The following CYP2A7 variants were observed in gnomAD, a reference collection of about 807,000 sequenced individuals.
CYP2A7 encodes cytochrome P450 2A7.
Under a neutral mutation model 42.0 loss-of-function variants are expected in CYP2A7, and 36 were observed. That is an observed-to-expected ratio of 0.86 (90% CI 0.66 to 1.13). The LOEUF (loss-of-function observed/expected upper bound fraction) is 1.13, where lower values mean the gene tolerates loss of function less well. Ranked by LOEUF, CYP2A7 falls within the 50% of genes most tolerant of loss-of-function variation. The pLI, the probability that CYP2A7 is intolerant of heterozygous loss-of-function variation, is 0.00. For synonymous variants in CYP2A7, 260 were observed against 249.5 expected (o/e 1.04, Z -0.40); for missense variants, 661 against 634.1 (o/e 1.04, Z -0.46).
intron 4 of CYP2A7, 36 bp downstream of exon 4, chr19:40,880,048 G>A (rs1439113429): frequency 6.2e-7 from 1 of 1,607,304 alleles, no homozygotes; most frequent in Admixed American, 1.7e-5. Flanking sequence ...GGCAGGTTGT[G>A]GTAGGGGCGT....
chr19:40,879,082 G>A lies in CYP2A7; in HGVS notation c.655-146C>T. The A allele has an allele frequency of 3.1e-6, 4 of 1,279,332 alleles. No homozygotes were observed. In the South Asian group the frequency reaches 4.7e-5, roughly 15 times the overall value. 79.2% of individuals were successfully genotyped at this position (1,279,332 alleles called of 1,614,324 possible). ...TAGGTATTTCAGTGGGGTCGGATAGGAACTTATATCTAAGTTTTCAGGAAG... is the reference window on the plus strand; with the variant it reads ...TAGGTATTTCAGTGGGGTCGGATAGAAACTTATATCTAAGTTTTCAGGAAG... On this transcript the variant is annotated intron_variant, in intron 4 of 8. Transcript: ENST00000301146.
chr19:40,877,094 G>T, intron 7 of CYP2A7, 96 bp downstream of exon 7: 1 of 1,389,194 alleles, frequency 7.2e-7, no homozygotes, highest in Non-Finnish European at 1.0e-6. Flanking sequence ...TGAGGGAGTG[G>T]GACAGTGAGT....
In CYP2A7 at chr19:40,875,603, C is replaced by G. The variant is rs1014075439; in HGVS notation, c.*90G>C. 2.4e-5 allele frequency: 39 copies of G among 1,594,344 alleles called. No individual in the cohort carries two copies. The Admixed American group carries it at 5.1e-4, about 21-fold the overall frequency. ...CCCTTCCTTTCCCGCATCTTCCCCC[C>G]ATTCTTATACCCGCCTCTTCCGCGA... On this transcript the variant is annotated 3_prime_UTR_variant, in exon 9 of 9. Coordinates refer to ENST00000301146, the MANE Select transcript of CYP2A7 (RefSeq NM_000764.3).
Position 40,875,604 on chromosome 19 carries a change from A to G in CYP2A7, c.*89T>C, listed in dbSNP as rs1399023903. On this transcript the variant is annotated 3_prime_UTR_variant, in exon 9 of 9. Transcript: ENST00000301146. ...CCTTCCTTTCCCGCATCTTCCCCCC[A>G]TTCTTATACCCGCCTCTTCCGCGAA... 5 of 1,586,056 alleles carry G rather than the reference A, an allele frequency of 3.2e-6. No homozygotes were observed. Among genetic ancestry groups the G allele is most frequent in the South Asian group, 1.1e-5 (1 of 88,812 alleles).
At chr19:40,878,068 T>G (rs1967577435) in intron 5 of CYP2A7, 75 bp from the exon 6 acceptor site, 5 of 1,507,324 alleles carry the variant, frequency 3.3e-6, no homozygotes, top group Non-Finnish European at 4.5e-6. Context: ...TTCCTTTGGA[T>G]CTACCTCTCT....
chr19:40,881,258 C>A (rs937229898), intron 2 of CYP2A7, among the ~76,000 whole-genome samples: 1 of 150,964 alleles, frequency 6.6e-6, no homozygotes, highest in South Asian at 2.1e-4. Context: ...AAGCTGAGAG[C>A]AACAAAAAGA....
intron 2 of CYP2A7, among the ~76,000 whole-genome samples, 170 bp from the exon 3 acceptor site, chr19:40,880,798 G>GGAGAGAGAGAGAGA (rs1171374070): frequency 1.1e-4 from 3 of 27,442 alleles, no homozygotes; most frequent in African/African-American, 1.6e-4. Flanking sequence ...GAAACACGAG[G>GGAGAGAGAGAGAGA]GAGAGAGAGA....
At position 40,876,673 on chromosome 19, in the gene CYP2A7, T is replaced by C. The variant is rs758955268; in HGVS notation, c.1162-5A>G. On this transcript the variant is annotated splice_region_variant and splice_polypyrimidine_tract_variant and intron_variant, in intron 7 of 8. Transcript: ENST00000301146. ...CATAGGGAACACTTCGGTGCCCTGG[T>C]AGGGAGGAGGAAGTTGTGTGTGATG... 1.4e-5 allele frequency: 23 copies of C among 1,609,932 alleles called. 1 individual carries two copies. The highest frequency in any genetic ancestry group is 1.8e-5 in the Non-Finnish European group (21 of 1,177,382).
At chr19:40,880,824 AG>A (rs1340567036) in intron 2 of CYP2A7, among the ~76,000 whole-genome samples, 196 bp from the exon 3 acceptor site, 3 of 76,926 alleles carry the variant, frequency 3.9e-5, no homozygotes, top group African/African-American at 1.4e-4. Context: ...AGAGAGAGAG[AG>A]AGAGAGAGAG....
At position 40,877,890 on chromosome 19, in the gene CYP2A7, T is replaced by C. The variant is rs1967572317; in HGVS notation, c.935A>G (p.Tyr312Cys). The C allele has an allele frequency of 6.2e-7, 1 of 1,611,138 alleles. No individual in the cohort carries two copies. Among genetic ancestry groups the C allele is most frequent in the Non-Finnish European group, 8.5e-7 (1 of 1,178,544 alleles). ...GTETVSTTLR[Y>C]GFLLLMKHPE... is the part of the protein sequence containing the mutation. Reference sequence around the variant, plus strand: ...GTGCTTCATGAGCAGCAAGAAGCCATAGCGCAGGGTGGTGCTGACCGTCTC... The same window carrying C: ...GTGCTTCATGAGCAGCAAGAAGCCACAGCGCAGGGTGGTGCTGACCGTCTC... The change falls in exon 6 of 9, where the codon TAT (tyrosine) becomes TGT (cysteine). Residue 312 changes from tyrosine (Y) to cysteine (C), a missense_variant. By Grantham distance (194) the Tyr-to-Cys change is radical (BLOSUM62 -2). Coordinates refer to ENST00000301146, the MANE Select transcript of CYP2A7 (RefSeq NM_000764.3).
In CYP2A7 at chr19:40,877,959, T is replaced by G; in HGVS notation, c.866A>C (p.Lys289Thr). Residue 289 changes from lysine to threonine, a missense_variant, in exon 6 of 9, where the codon AAG becomes ACG. By Grantham distance (78) the Lys-to-Thr change is moderately conservative. Coordinates refer to ENST00000301146, the MANE Select transcript of CYP2A7 (RefSeq NM_000764.3). ...EKNPNTEFYL[K>T]NLMMSTLNLF... is the part of the protein sequence containing the mutation. Reference sequence around the variant, plus strand: ...GTTCAACGTGCTCATCATCAGGTTCTTCAAGTAGAACTCCGTGTTGGGGTT... The same window carrying G: ...GTTCAACGTGCTCATCATCAGGTTCGTCAAGTAGAACTCCGTGTTGGGGTT... 1.2e-6 allele frequency: 2 copies of G among 1,612,550 alleles called. No homozygotes were observed. Among genetic ancestry groups the G allele is most frequent in the Non-Finnish European group, 1.7e-6 (2 of 1,179,022 alleles).
Position 40,877,946 on chromosome 19 carries a change from C to T in CYP2A7, c.879G>A (p.Met293Ile), listed in dbSNP as rs1289445818. 6 of 1,612,648 alleles carry T rather than the reference C, an allele frequency of 3.7e-6. No homozygotes were observed. Among genetic ancestry groups the T allele is most frequent in the East Asian group, 4.5e-5 (2 of 44,876 alleles). Residue 293 changes from methionine to isoleucine, a missense_variant, in exon 6 of 9, where the codon ATG (methionine) becomes ATA (isoleucine). Transcript: ENST00000301146. ...NTEFYLKNLM[M>I]STLNLFIAGT... ...CTGCAATGAAGAGGTTCAACGTGCT[C>T]ATCATCAGGTTCTTCAAGTAGAACT...
Position 40,877,952 on chromosome 19 carries a change from C to G in CYP2A7, c.873G>C (p.Leu291=). The change falls in exon 6 of 9, where the codon CTG becomes CTC. Residue 291 remains leucine, a synonymous_variant. Coordinates refer to ENST00000301146, the MANE Select transcript of CYP2A7 (RefSeq NM_000764.3). ...TGAAGAGGTTCAACGTGCTCATCAT[C>G]AGGTTCTTCAAGTAGAACTCCGTGT... is the stretch of plus-strand genomic sequence containing the variant. ...NPNTEFYLKN[L]MMSTLNLFIA... 1 of 1,612,606 alleles carries G rather than the reference C, an allele frequency of 6.2e-7. No homozygotes were observed. The highest frequency in any genetic ancestry group is 8.5e-7 in the Non-Finnish European group (1 of 1,179,042).
chr19:40,880,558 G>A lies in CYP2A7; in HGVS notation c.414C>T (p.Phe138=). 5 of 1,611,378 alleles carry A rather than the reference G, an allele frequency of 3.1e-6. 1 individual carries two copies. Among genetic ancestry groups the A allele is most frequent in the African/African-American group, 2.7e-5 (2 of 74,722 alleles). Residue 138 remains phenylalanine, a synonymous_variant, in exon 3 of 9, where the codon TTC becomes TTT. Coordinates refer to ENST00000301146, the MANE Select transcript of CYP2A7 (RefSeq NM_000764.3). ...LRFAIATLRD[F]GVGKRGIEER... ...CCTCGATGCCTCGCTTGCCCACCCC[G>A]AAGTCCCTCAGGGTGGCGATGGCAA...
Position 40,880,093 on chromosome 19 carries a change from G to A in CYP2A7, c.645C>T (p.Ser215=), listed in dbSNP as rs2145150001. 6.2e-7 allele frequency: 1 copy of A among 1,612,894 alleles called. No homozygotes were observed. The highest frequency in any genetic ancestry group is 1.1e-5 in the South Asian group (1 of 91,004). ...GGCTGCAGCCAGTTACCTGCCCCGT[G>A]GAGGTTGACGTGAACTGGAAGATTC... ...MLGIFQFTST[S]TGQLYEMFSS... is the part of the protein sequence containing the mutation. Residue 215 remains serine, a synonymous_variant, in exon 4 of 9, where the codon TCC becomes TCT. Coordinates refer to ENST00000301146, the MANE Select transcript of CYP2A7 (RefSeq NM_000764.3).
At chr19:40,877,417 C>A in intron 6 of CYP2A7, 40 bp from the exon 7 acceptor site, 1 of 1,604,114 alleles carries the variant, frequency 6.2e-7, no homozygotes, top group Non-Finnish European at 8.5e-7. Flanking sequence ...ATCTGGGAGT[C>A]TCAGAGCAGG....
In CYP2A7 at chr19:40,877,976, G is replaced by A. The variant is rs534303063; in HGVS notation, c.849C>T (p.Asn283=). Reference sequence around the variant, plus strand: ...TCAGGTTCTTCAAGTAGAACTCCGTGTTGGGGTTCTTCTCCTCCTGCAGGG... The same window carrying A: ...TCAGGTTCTTCAAGTAGAACTCCGTATTGGGGTTCTTCTCCTCCTGCAGGG... ...IHMQEEEKNP[N]TEFYLKNLMM... is the part of the protein sequence containing the mutation. The change falls in exon 6 of 9, where the codon AAC becomes AAT. Residue 283 remains asparagine (N), a synonymous_variant. Transcript: ENST00000301146. 1 of 1,611,834 alleles carries A rather than the reference G, an allele frequency of 6.2e-7. No individual in the cohort carries two copies. The highest frequency in any genetic ancestry group is 1.3e-5 in the African/African-American group (1 of 74,938).
Position 40,880,485 on chromosome 19 carries a change from T to A in CYP2A7, c.487A>T (p.Thr163Ser). 3.7e-6 allele frequency: 6 copies of A among 1,612,562 alleles called. No individual in the cohort carries two copies. Among genetic ancestry groups the A allele is most frequent in the Non-Finnish European group, 5.1e-6 (6 of 1,178,986 alleles). The change falls in exon 3 of 9, where the codon ACG (threonine) becomes TCG (serine). Residue 163 changes from threonine (T) to serine (S), a missense_variant. Thr to Ser is a moderately conservative substitution (Grantham distance 58). Transcript: ENST00000301146. ...CTCGGGGAACCTTACTCACCGTGCG[T>A]GCTCCGGATGGCCTCGATGAGGAAG... Reference protein sequence around the residue: ...SGFLIEAIRSTHGANIDPTFF... With the variant: ...SGFLIEAIRSSHGANIDPTFF...
At chr19:40,879,046 G>C in intron 4 of CYP2A7, 110 bp from the exon 5 acceptor site, 1 of 1,459,138 alleles carries the variant, frequency 6.9e-7, no homozygotes, top group Non-Finnish European at 9.2e-7. Context: ...AAAGGCATCT[G>C]TCTCATTGTT....
Sources: allele counts gnomAD v4.1 joint callset (sites outside exome capture counted in the v4.1 genomes callset), GRCh38; gene constraint gnomAD v4.1.1; transcripts MANE v1.5; gene names NCBI Gene and HGNC (gene_info 2026-07-23, HGNC 2026-07-21).